TEX14: variants seen among roughly 807,000 people sequenced by gnomAD.
The protein encoded by TEX14 is testis expressed 14, intercellular bridge forming factor.
TEX14 carries 168 observed loss-of-function variants against 178.6 expected under a neutral mutation model. The observed-to-expected ratio is 0.94, with a 90% CI of 0.83 to 1.07. The LOEUF is 1.07. TEX14 is among the 50% of genes least tolerant of loss of function. TEX14 has a pLI of 0.00. For synonymous variants in TEX14, 626 were observed against 634.1 expected, an observed-to-expected ratio of 0.99 and a Z score of 0.19; for missense variants, 1,730 against 1,753.6, an observed-to-expected ratio of 0.99 and a Z score of 0.24.
chr17:58,584,648 G>T, intron 18 of TEX14, 48 bp from the exon 19 acceptor site: 1 of 1,414,990 alleles, frequency 7.1e-7, no homozygotes, highest in Non-Finnish European at 1.0e-6. Context: ...GTGATATTCA[G>T]ACAACATGGA....
At chr17:58,602,631 C>T (rs374968440) in intron 11 of TEX14, 41 bp from the exon 12 acceptor site, 15 of 1,534,690 alleles carry the variant, frequency 9.8e-6, no homozygotes, top group African/African-American at 1.4e-5. Context: ...ATTAGGAAAC[C>T]AAAGAGTGGA....
chr17:58,599,952 A>G (rs1380515835), intron 13 of TEX14, among the ~76,000 whole-genome samples: 1 of 152,096 alleles, frequency 6.6e-6, no homozygotes, highest in African/African-American at 2.4e-5. Flanking sequence ...TGTGTGTCCA[A>G]ACATGCATAA....
chr17:58,565,221 G>C (rs1455531289), intron 27 of TEX14, among the ~76,000 whole-genome samples: 1 of 152,130 alleles, frequency 6.6e-6, no homozygotes, highest in Non-Finnish European at 1.5e-5. Flanking sequence ...TTGTGCCAAG[G>C]CTCAAGGAAG....
At chr17:58,675,318 C>A in intron 1 of TEX14, 1 of 153,344 alleles carries the variant, frequency 6.5e-6, no homozygotes, top group South Asian at 1.8e-4. Context: ...AGTTGATTTT[C>A]CCGAAAAAAG....
At chr17:58,572,208 T>C in intron 23 of TEX14, 82 bp from the exon 24 acceptor site, 5 of 930,660 alleles carry the variant, frequency 5.4e-6, no homozygotes, top group Non-Finnish European at 6.6e-6. Flanking sequence ...GTTTTTGTTT[T>C]TTCTGCCCCA....
chr17:58,662,216 C>T (rs931009258), intron 1 of TEX14, among the ~76,000 whole-genome samples: 1 of 151,332 alleles, frequency 6.6e-6, no homozygotes, highest in African/African-American at 2.4e-5. Context: ...TTTGGGAGGC[C>T]GAGGTGGGCG....
intron 5 of TEX14, among the ~76,000 whole-genome samples, chr17:58,620,057 G>C (rs1467157600): frequency 6.6e-6 from 1 of 152,096 alleles, no homozygotes; most frequent in Non-Finnish European, 1.5e-5. Flanking sequence ...CACAGCCCCT[G>C]AGCTCTTGGA....
At chr17:58,651,753 A>G in intron 2 of TEX14, 113 bp downstream of exon 2, 1 of 1,000,334 alleles carries the variant, frequency 1.0e-6, no homozygotes, top group Non-Finnish European at 1.4e-6. Context: ...TTCTACATTT[A>G]ATTTCTGGAT....
At chr17:58,591,510 C>G (rs1195127374) in intron 15 of TEX14, among the ~76,000 whole-genome samples, 1 of 152,022 alleles carries the variant, frequency 6.6e-6, no homozygotes, top group Admixed American at 6.6e-5. Context: ...AAGGGCGAAA[C>G]TCCATTTCAA....
At chr17:58,646,353 G>T (rs1203430410) in intron 2 of TEX14, among the ~76,000 whole-genome samples, 4 of 152,116 alleles carry the variant, frequency 2.6e-5, no homozygotes, top group Non-Finnish European at 5.9e-5. Context: ...GGCTCTGACT[G>T]GTCCAGCCCA....
At chr17:58,659,341 C>T (rs1245821698) in intron 1 of TEX14, 5 of 983,498 alleles carry the variant, frequency 5.1e-6, no homozygotes, top group Non-Finnish European at 1.2e-6. Context: ...TACCATCGTC[C>T]TCAACACACA....
At chr17:58,685,996 C>CAAAA (rs34156664) in intron 1 of TEX14, among the ~76,000 whole-genome samples, 30 of 82,426 alleles carry the variant, frequency 3.6e-4, no homozygotes, top group African/African-American at 8.2e-4. Flanking sequence ...CTCTGTCTCA[C>CAAAA]AAAAAAAAAA....
chr17:58,666,458 C>CAAACAAAAAAAAAAAAA (rs1555583923), intron 1 of TEX14: 1 of 36,812 alleles, frequency 2.7e-5, no homozygotes, highest in Non-Finnish European at 4.7e-5. Context: ...CCTTCCACGG[C>CAAACAAAAAAAAAAAAA]AAAAAAAAAA....
chr17:58,664,193 TA>T, intron 1 of TEX14, among the ~76,000 whole-genome samples: 1 of 152,374 alleles, frequency 6.6e-6, no homozygotes, highest in African/African-American at 2.4e-5. Flanking sequence ...ACTACCTTCC[TA>T]ATTTTATTCC....
At chr17:58,641,060 A>G (rs933423600) in intron 2 of TEX14, among the ~76,000 whole-genome samples, 1 of 152,066 alleles carries the variant, frequency 6.6e-6, no homozygotes, top group Non-Finnish European at 1.5e-5. Flanking sequence ...AGGGAAGGAG[A>G]GGGTTTCCCT....
intron 22 of TEX14, among the ~76,000 whole-genome samples, chr17:58,573,946 T>G (rs2044605011): frequency 6.6e-6 from 1 of 152,184 alleles, no homozygotes; most frequent in African/African-American, 2.4e-5. Context: ...TAATCTACCT[T>G]AAGCGTAAAC....
At chr17:58,568,778 T>C (rs978418715) in intron 26 of TEX14, among the ~76,000 whole-genome samples, 3 of 152,214 alleles carry the variant, frequency 2.0e-5, no homozygotes, top group Non-Finnish European at 2.9e-5. Flanking sequence ...ATACCTTTAA[T>C]ACCTACAGCT....
intron 22 of TEX14, among the ~76,000 whole-genome samples, chr17:58,573,979 T>C (rs2044607692): frequency 6.6e-6 from 1 of 152,200 alleles, no homozygotes; most frequent in South Asian, 2.1e-4. Flanking sequence ...TGATTATTAT[T>C]ATCATCACTA....
intron 1 of TEX14, among the ~76,000 whole-genome samples, chr17:58,655,859 C>G (rs1396437952): frequency 6.6e-6 from 1 of 152,174 alleles, no homozygotes; most frequent in Admixed American, 6.6e-5. Flanking sequence ...GAAGATGTCT[C>G]TGATGATTAT....
Sources: gnomAD v4.1 joint callset for allele counts (sites outside exome capture counted in the v4.1 genomes callset) on GRCh38, gnomAD v4.1.1 for gene constraint, MANE v1.5 for transcripts, NCBI Gene and HGNC (gene_info 2026-07-23, HGNC 2026-07-21) for gene names.